Variants in MCCC2 observed in about 807,000 individuals in gnomAD.
MCCC2 encodes the protein methylcrotonoyl-CoA carboxylase beta chain, mitochondrial.
Under a neutral mutation model 77.2 loss-of-function variants are expected in MCCC2, and 52 were observed. The ratio of observed to expected loss-of-function variants is 0.67; its 90% CI spans 0.54 to 0.85. The LOEUF (loss-of-function observed/expected upper bound fraction) is 0.85. Ranked by LOEUF, MCCC2 falls within the 40% of genes least tolerant of loss-of-function variation. The pLI, the probability that MCCC2 is intolerant of heterozygous loss-of-function variation, is 0.00. For missense variants in MCCC2, 682 were observed against 703.2 expected (o/e 0.97, Z 0.34); for synonymous variants, 253 against 248.4 (o/e 1.02, Z -0.18).
intron 16 of MCCC2, among the ~76,000 whole-genome samples, chr5:71,653,546 G>A (rs963992279): frequency 6.7e-6 from 1 of 149,854 alleles, no homozygotes. Context: ...CTGGAGAGGA[G>A]AGGGGAGAGA....
Position 71,635,264 on chromosome 5 carries a change from T to C in MCCC2, c.999+18T>C. The C allele has an allele frequency of 1.2e-6, 2 of 1,606,572 alleles. No individual in the cohort carries two copies. Among genetic ancestry groups the C allele is most frequent in the African/African-American group, 2.7e-5 (2 of 74,906 alleles). ...TCCGAGAGGTATGTGAAAGTGGAAC[T>C]GTGAGCTTTATGACCAGCTGTGAGT... On this transcript the variant is annotated intron_variant, in intron 10 of 16. Coordinates refer to ENST00000340941, the MANE Select transcript of MCCC2 (RefSeq NM_022132.5).
rs372490417 is a variant in MCCC2 at position 71,611,137 on chromosome 5, G to T, written c.624+6669G>T. On this transcript the variant is annotated intron_variant, in intron 6 of 16. Coordinates refer to ENST00000340941, the MANE Select transcript of MCCC2 (RefSeq NM_022132.5). ...AATTCATGGCCAGGCACTGTGACTT[G>T]TGCCTGAAATCCCAGCACTTTGGGA... is the stretch of plus-strand genomic sequence containing the variant. Among the ~76,000 whole-genome samples the T allele has an allele frequency of 3.3e-5, 5 of 151,056 alleles. No individual in the cohort carries two copies. In the East Asian group the frequency reaches 9.9e-4, roughly 30 times the overall value.
rs977531445 is a variant in MCCC2, at chr5:71,650,688, G to A, written c.1488+505G>A. ...TTTTGAGACAGAGTCTCGCTTTGTCGCCCAGGCTGGTGTGCAGTGGCACGA... is the reference window on the plus strand; with the variant it reads ...TTTTGAGACAGAGTCTCGCTTTGTCACCCAGGCTGGTGTGCAGTGGCACGA... On this transcript the variant is annotated intron_variant, in intron 15 of 16. Transcript: ENST00000340941. Among the ~76,000 whole-genome samples the A allele has an allele frequency of 1.1e-4, 17 of 151,590 alleles. No individual in the cohort carries two copies. In the East Asian group the frequency reaches 1.6e-3, roughly 14 times the overall value.
intron 1 of MCCC2, among the ~76,000 whole-genome samples, chr5:71,592,159 T>A (rs2112274608): frequency 6.6e-6 from 1 of 152,246 alleles, no homozygotes; most frequent in Admixed American, 6.5e-5. Flanking sequence ...GATGGGCAAA[T>A]CACTTGAGGT....
In MCCC2 at chr5:71,656,819, G is replaced by T; in HGVS notation, c.1651G>T (p.Ala551Ser). The T allele has an allele frequency of 6.2e-7, 1 of 1,614,046 alleles. No individual in the cohort carries two copies. The highest frequency in any genetic ancestry group is 8.5e-7 in the Non-Finnish European group (1 of 1,179,962). ...LGLSFSAALNAPIEKTDFGIF... is the reference protein window; with the variant it reads ...LGLSFSAALNSPIEKTDFGIF... Reference sequence around the variant, plus strand: ...TCTCAGTTTTAGTGCAGCCCTCAACGCACCAATAGAGAAGACTGACTTCGG... The same window carrying T: ...TCTCAGTTTTAGTGCAGCCCTCAACTCACCAATAGAGAAGACTGACTTCGG... Residue 551 changes from alanine (A) to serine (S), a missense_variant, in exon 17 of 17, where the codon GCA (alanine) becomes TCA (serine). Ala to Ser is a moderately conservative substitution (Grantham distance 99, BLOSUM62 1). Transcript: ENST00000340941.
intron 10 of MCCC2, chr5:71,635,489 G>A (rs1746885284): frequency 5.5e-6 from 3 of 549,162 alleles, no homozygotes; most frequent in Non-Finnish European, 1.0e-5. Flanking sequence ...TGCGCAAAAA[G>A]TGTGATTTGG....
At chr5:71,609,887 A>AG (rs1483856555) in intron 6 of MCCC2, among the ~76,000 whole-genome samples, 1 of 151,860 alleles carries the variant, frequency 6.6e-6, no homozygotes, top group Non-Finnish European at 1.5e-5. Context: ...CTCGGGGGTC[A>AG]GGGGTCAGGG....
intron 15 of MCCC2, 117 bp downstream of exon 15, chr5:71,650,300 A>G (rs1747401913): frequency 2.6e-6 from 2 of 763,600 alleles, no homozygotes; most frequent in East Asian, 5.2e-5. Flanking sequence ...CCTGGCGCAC[A>G]CTGCCTGGCC....
intron 7 of MCCC2, among the ~76,000 whole-genome samples, chr5:71,631,504 A>G (rs1434078241): frequency 3.3e-5 from 5 of 151,610 alleles, no homozygotes; most frequent in Non-Finnish European, 7.4e-5. Context: ...GCAGCATGAC[A>G]TAGGGAAAGA....
At chr5:71,644,054 T>TGTGC (rs1462560235) in intron 12 of MCCC2, among the ~76,000 whole-genome samples, 159 bp downstream of exon 12, 1 of 147,310 alleles carries the variant, frequency 6.8e-6, no homozygotes, top group East Asian at 1.9e-4. Flanking sequence ...TGTGTGTGTG[T>TGTGC]GTGTGTGTGT....
chr5:71,607,361 C>A (rs528344097), intron 6 of MCCC2, among the ~76,000 whole-genome samples: 5 of 149,802 alleles, frequency 3.3e-5, no homozygotes, highest in Non-Finnish European at 7.4e-5. Context: ...AGTTTATTTG[C>A]GTAGAGGTGT....
In MCCC2 at chr5:71,633,122, TA is replaced by T. The variant is rs1561841385; in HGVS notation, c.803+938del. On this transcript the variant is annotated intron_variant, in intron 8 of 16. Coordinates refer to ENST00000340941, the MANE Select transcript of MCCC2 (RefSeq NM_022132.5). ...ATATATATATATATATATATATATA[TA>T]TATATATATTTTTATTTTTTGTAGA... Among the ~76,000 whole-genome samples, 60 of 115,810 alleles carry T rather than the reference TA, an allele frequency of 5.2e-4. 1 individual carries two copies. The highest frequency in any genetic ancestry group is 2.0e-3 in the African/African-American group (56 of 27,794). The allele number at this position is 115,810 out of a possible 152,430, so 76.0% of individuals were successfully genotyped here.
At chr5:71,632,668 GA>G (rs1319305645) in intron 8 of MCCC2, among the ~76,000 whole-genome samples, 1 of 152,046 alleles carries the variant, frequency 6.6e-6, no homozygotes, top group Non-Finnish European at 1.5e-5. Context: ...CTCTGGGGAG[GA>G]AAAAATGCCC....
chr5:71,627,615 G>A (rs905280690), intron 7 of MCCC2, among the ~76,000 whole-genome samples: 6 of 152,302 alleles, frequency 3.9e-5, no homozygotes, highest in African/African-American at 7.2e-5. Context: ...GGATCATGTG[G>A]TAGCTGTGTT....
chr5:71,599,263 G>A (rs1330757630), intron 3 of MCCC2, among the ~76,000 whole-genome samples: 3 of 152,166 alleles, frequency 2.0e-5, no homozygotes, highest in East Asian at 3.9e-4. Flanking sequence ...CCAGTTACTC[G>A]GGAGGCTGAG....
In MCCC2 at chr5:71,643,806, A is replaced by G; in HGVS notation, c.1073-13A>G. The G allele has an allele frequency of 1.2e-6, 2 of 1,614,082 alleles. No individual in the cohort carries two copies. Among genetic ancestry groups the G allele is most frequent in the Non-Finnish European group, 1.7e-6 (2 of 1,179,996 alleles). On this transcript the variant is annotated splice_polypyrimidine_tract_variant and intron_variant, in intron 11 of 16. Transcript: ENST00000340941. Reference sequence around the variant, plus strand: ...AGCACAAGACATAAATCTTCTTTGAACTTTCTTTTGAGGATTTGCTCGAAT... The same window carrying G: ...AGCACAAGACATAAATCTTCTTTGAGCTTTCTTTTGAGGATTTGCTCGAAT...
intron 15 of MCCC2, among the ~76,000 whole-genome samples, chr5:71,650,601 A>T (rs572560583): frequency 3.9e-5 from 6 of 152,018 alleles, no homozygotes; most frequent in Admixed American, 1.3e-4. Flanking sequence ...AGAAGCTGGG[A>T]TTACAGGTGT....
At position 71,592,820 on chromosome 5, in the gene MCCC2, G is replaced by C. The variant is rs1308133761; in HGVS notation, c.130-106G>C. 10 of 905,160 alleles carry C rather than the reference G, an allele frequency of 1.1e-5. No homozygotes were observed. The Admixed American group carries it at 1.6e-4, about 15-fold the overall frequency. The allele number at this position is 905,160 out of a possible 1,614,324, so 56.1% of individuals were successfully genotyped here. On this transcript the variant is annotated intron_variant, in intron 1 of 16. Transcript: ENST00000340941. Reference sequence around the variant, plus strand: ...GGTGGCCCAGTGTGGCGGCCACACAGAGTTGGCACAGACCACTGTTTTTTT... The same window carrying C: ...GGTGGCCCAGTGTGGCGGCCACACACAGTTGGCACAGACCACTGTTTTTTT...
chr5:71,589,485 T>A (rs1484336789), intron 1 of MCCC2, among the ~76,000 whole-genome samples: 1 of 152,264 alleles, frequency 6.6e-6, no homozygotes, highest in Admixed American at 6.5e-5. Flanking sequence ...AGAGCAGCCC[T>A]GAATTAAACA....
Sources: gnomAD v4.1 joint callset for allele counts (sites outside exome capture counted in the v4.1 genomes callset) on GRCh38, gnomAD v4.1.1 for gene constraint, MANE v1.5 for transcripts, NCBI Gene and HGNC (gene_info 2026-07-23, HGNC 2026-07-21) for gene names.